NELL1: variants seen among roughly 807,000 people sequenced by gnomAD.
NELL1 encodes the protein neural EGFL like 1, also known as protein kinase C-binding protein NELL1.
A neutral mutation model predicts 107.4 loss-of-function variants in NELL1; 76 were observed. That is an observed-to-expected ratio of 0.71 (90% CI 0.59 to 0.86). The LOEUF (loss-of-function observed/expected upper bound fraction) is 0.86. Ranked by LOEUF, NELL1 falls within the 40% of genes least tolerant of loss-of-function variation. The pLI is 0.00. For synonymous variants in NELL1, 353 were observed against 341.2 expected (o/e 1.03, Z -0.38); for missense variants, 1,024 against 1,005.5 (o/e 1.02, Z -0.25).
At chr11:20,770,154 A>C (rs921902949) in intron 2 of NELL1, among the ~76,000 whole-genome samples, 6 of 152,186 alleles carry the variant, frequency 3.9e-5, no homozygotes, top group African/African-American at 1.4e-4. Flanking sequence ...GAGGATTATC[A>C]TTTTAGCCCT....
rs1856553400 is a variant in NELL1, at chr11:21,550,513, T to G, written c.1787-9676T>G. 3.3e-5 allele frequency among the ~76,000 whole-genome samples: 5 copies of G among 152,072 alleles called. No individual in the cohort carries two copies. In the South Asian group the frequency reaches 1.0e-3, roughly 31 times the overall value. On this transcript the variant is annotated intron_variant, in intron 16 of 19. Transcript: ENST00000357134. Reference sequence around the variant, plus strand: ...TCTTTAATCCATCTTGAATTCATTTTTGTATAAGGTGTAAGGAAGGGATCC... The same window carrying G: ...TCTTTAATCCATCTTGAATTCATTTGTGTATAAGGTGTAAGGAAGGGATCC...
intron 12 of NELL1, among the ~76,000 whole-genome samples, chr11:21,028,616 C>G (rs1160825673): frequency 6.6e-6 from 1 of 152,114 alleles, no homozygotes. Context: ...TCCCATTTTC[C>G]CCTATCAGTT....
chr11:20,835,558 T>C (rs1848518382), intron 3 of NELL1, among the ~76,000 whole-genome samples: 1 of 152,202 alleles, frequency 6.6e-6, no homozygotes, highest in Admixed American at 6.5e-5. Context: ...AGTTTTCTTA[T>C]TACATTAATT....
chr11:21,179,209 CAT>C (rs1482238233), intron 13 of NELL1, among the ~76,000 whole-genome samples: 7 of 151,802 alleles, frequency 4.6e-5, no homozygotes, highest in Non-Finnish European at 7.4e-5. Context: ...ATTCTGAAAA[CAT>C]AAAATATTTT....
chr11:20,891,315 G>A (rs1314428859), intron 5 of NELL1, among the ~76,000 whole-genome samples: 1 of 152,174 alleles, frequency 6.6e-6, no homozygotes, highest in African/African-American at 2.4e-5. Flanking sequence ...CAAATGCTGA[G>A]GGATTTTGTT....
intron 13 of NELL1, among the ~76,000 whole-genome samples, chr11:21,118,186 G>A (rs911480657): frequency 3.9e-5 from 6 of 152,014 alleles, no homozygotes; most frequent in Non-Finnish European, 8.8e-5. Context: ...GCCCTTGATT[G>A]CCAAGATGAA....
At chr11:21,555,147 A>AGAGT (rs1856676083) in intron 16 of NELL1, among the ~76,000 whole-genome samples, 1 of 151,914 alleles carries the variant, frequency 6.6e-6, no homozygotes, top group Non-Finnish European at 1.5e-5. Context: ...TTAATGGCAT[A>AGAGT]GAGTAGATGT....
At chr11:20,703,605 A>G (rs1170158712) in intron 2 of NELL1, among the ~76,000 whole-genome samples, 1 of 152,050 alleles carries the variant, frequency 6.6e-6, no homozygotes, top group Admixed American at 6.6e-5. Flanking sequence ...TAGGGTGTCA[A>G]TTTTAGATCT....
rs1033656508 is a variant in NELL1, at chr11:21,113,563, G to T, written c.1301-26G>T. 2.5e-6 allele frequency: 4 copies of T among 1,603,496 alleles called. No homozygotes were observed. The South Asian group carries it at 3.3e-5, about 13-fold the overall frequency. On this transcript the variant is annotated intron_variant, in intron 12 of 19. Coordinates refer to ENST00000357134, the MANE Select transcript of NELL1 (RefSeq NM_006157.5). Reference sequence around the variant, plus strand: ...GTTGTTCCATTATTTTGCTAACCATGATCTTACTTATTTTTTTTCCTTCAG... The same window carrying T: ...GTTGTTCCATTATTTTGCTAACCATTATCTTACTTATTTTTTTTCCTTCAG...
rs977172388 is a variant in NELL1 at position 20,890,334 on chromosome 11, C to A, written c.603+4794C>A. On this transcript the variant is annotated intron_variant, in intron 5 of 19. Transcript: ENST00000357134. ...CAGCATCATCAATGACAACAAAAGG[C>A]CCCCACAAAAACCCCATCCAAAGGT... is the stretch of plus-strand genomic sequence containing the variant. 9.2e-5 allele frequency among the ~76,000 whole-genome samples: 14 copies of A among 152,146 alleles called. No homozygotes were observed. The South Asian group carries it at 1.7e-3, about 18-fold the overall frequency.
chr11:21,542,921 G>A (rs976907447), intron 16 of NELL1, among the ~76,000 whole-genome samples: 3 of 151,986 alleles, frequency 2.0e-5, no homozygotes, highest in Non-Finnish European at 2.9e-5. Flanking sequence ...AGCAAAATGG[G>A]AAACATGAGT....
At chr11:20,965,023 A>G (rs571977678) in intron 12 of NELL1, among the ~76,000 whole-genome samples, 127 of 152,246 alleles carry the variant, frequency 8.3e-4, no homozygotes, top group Middle Eastern at 3.4e-3. Flanking sequence ...TAAGCCTACG[A>G]TATGTCTCCC....
intron 14 of NELL1, among the ~76,000 whole-genome samples, chr11:21,233,105 T>C (rs938093997): frequency 6.6e-6 from 1 of 152,226 alleles, no homozygotes; most frequent in Non-Finnish European, 1.5e-5. Flanking sequence ...ACAATACTAA[T>C]TGGTGTGAAT....
At chr11:21,249,431 T>C (rs940509473) in intron 14 of NELL1, among the ~76,000 whole-genome samples, 3 of 152,128 alleles carry the variant, frequency 2.0e-5, no homozygotes, top group African/African-American at 7.2e-5. Flanking sequence ...TTACTTATTT[T>C]TTTTTTCATA....
chr11:20,974,680 G>C (rs1851568859), intron 12 of NELL1, among the ~76,000 whole-genome samples: 1 of 152,112 alleles, frequency 6.6e-6, no homozygotes, highest in African/African-American at 2.4e-5. Context: ...TCTCAGGATT[G>C]TCAAAAATCT....
At chr11:21,098,748 A>G (rs1854718654) in intron 12 of NELL1, among the ~76,000 whole-genome samples, 1 of 152,056 alleles carries the variant, frequency 6.6e-6, no homozygotes, top group Non-Finnish European at 1.5e-5. Context: ...TTCCCCCAGT[A>G]AAACTTTTTA....
At chr11:21,337,051 A>G (rs1018033553) in intron 14 of NELL1, among the ~76,000 whole-genome samples, 26 of 152,212 alleles carry the variant, frequency 1.7e-4, no homozygotes, top group African/African-American at 6.0e-4. Flanking sequence ...AATTGTTGAA[A>G]TGGAAAGAAT....
intron 17 of NELL1, among the ~76,000 whole-genome samples, chr11:21,567,129 T>A (rs1856990611): frequency 6.6e-6 from 1 of 151,812 alleles, no homozygotes; most frequent in Admixed American, 6.6e-5. Flanking sequence ...GACATGCTGG[T>A]TCCTAAGGCA....
At chr11:20,923,768 C>A (rs1850431299) in intron 7 of NELL1, among the ~76,000 whole-genome samples, 1 of 152,192 alleles carries the variant, frequency 6.6e-6, no homozygotes, top group Non-Finnish European at 1.5e-5. Context: ...AAGCTTGTGA[C>A]ATCTTTAATT....
Sources: gnomAD v4.1 joint callset for allele counts (sites outside exome capture counted in the v4.1 genomes callset) on GRCh38, gnomAD v4.1.1 for gene constraint, MANE v1.5 for transcripts, NCBI Gene and HGNC (gene_info 2026-07-23, HGNC 2026-07-21) for gene names.